The following PSD3 variants were observed in gnomAD, a reference collection of about 807,000 sequenced individuals.
The protein encoded by PSD3 is PH and SEC7 domain-containing protein 3.
A neutral mutation model predicts 105.5 loss-of-function variants in PSD3; 49 were observed. That is an observed-to-expected ratio of 0.46 (90% CI 0.37 to 0.59). The LOEUF is 0.59. PSD3 is among the 20% of genes least tolerant of loss of function. The pLI is 0.00. For missense variants in PSD3, 1,561 were observed against 1,263.8 expected (o/e 1.24, Z -3.57); for synonymous variants, 557 against 457.8 (o/e 1.22, Z -2.77).
At chr8:19,012,934 T>C (rs758439680) in intron 1 of PSD3, among the ~76,000 whole-genome samples, 2 of 152,032 alleles carry the variant, frequency 1.3e-5, no homozygotes, top group Non-Finnish European at 2.9e-5. Flanking sequence ...TCGAGGGGAA[T>C]GGCAAAACGA....
chr8:18,694,732 T>C (rs751918619), intron 9 of PSD3, among the ~76,000 whole-genome samples: 5 of 152,068 alleles, frequency 3.3e-5, no homozygotes. Context: ...TCCTAGCACT[T>C]TGGGAGGCCA....
At chr8:18,918,250 C>G (rs768884633) in intron 2 of PSD3, among the ~76,000 whole-genome samples, 3 of 152,198 alleles carry the variant, frequency 2.0e-5, no homozygotes, top group Non-Finnish European at 2.9e-5. Context: ...ATATGTGCTT[C>G]TGCCACTGTC....
rs758167244 is a variant in PSD3 at position 18,872,364 on chromosome 8, T to C, written c.500A>G (p.Gln167Arg). The C allele has an allele frequency of 1.2e-6, 2 of 1,614,228 alleles. No homozygotes were observed. Among genetic ancestry groups the C allele is most frequent in the Non-Finnish European group, 1.7e-6 (2 of 1,180,046 alleles). ...AGTGTCCAGCTCTTTTTCCACCTGC[T>C]GAACTGAAAAACTAGAAACAGCATC... ...DQDAVSSFSV[Q>R]QVEKELDTAS... The change falls in exon 3 of 16, where the codon CAG becomes CGG. Residue 167 changes from glutamine to arginine, a missense_variant. Gln to Arg is a conservative substitution (Grantham distance 43). Coordinates refer to ENST00000327040, the MANE Select transcript of PSD3 (RefSeq NM_015310.4).
intron 1 of PSD3, among the ~76,000 whole-genome samples, chr8:19,002,197 A>G (rs558160544): frequency 6.7e-4 from 102 of 152,142 alleles, no homozygotes; most frequent in Non-Finnish European, 1.2e-3. Flanking sequence ...GAGAGGTCAT[A>G]AAGTTTATAT....
intron 10 of PSD3, among the ~76,000 whole-genome samples, chr8:18,647,559 G>A (rs1057436117): frequency 1.3e-5 from 2 of 151,028 alleles, no homozygotes; most frequent in South Asian, 2.1e-4. Context: ...AAAACATGGA[G>A]GGTGCACAAG....
At chr8:18,955,410 A>G (rs1179225582) in intron 1 of PSD3, among the ~76,000 whole-genome samples, 1 of 152,154 alleles carries the variant, frequency 6.6e-6, no homozygotes, top group Non-Finnish European at 1.5e-5. Context: ...GTCTTTGTCT[A>G]TTTTAATAAT....
intron 1 of PSD3, among the ~76,000 whole-genome samples, chr8:19,078,059 C>T (rs1304595049): frequency 6.6e-6 from 1 of 152,098 alleles, no homozygotes; most frequent in East Asian, 1.9e-4. Flanking sequence ...GAGACACAGT[C>T]TTGCTCCGTT....
chr8:18,796,272 A>G (rs1245522180), intron 8 of PSD3, among the ~76,000 whole-genome samples: 3 of 152,164 alleles, frequency 2.0e-5, no homozygotes, highest in African/African-American at 7.2e-5. Flanking sequence ...GTGTTTTCCC[A>G]TCATAGCACC....
At chr8:19,057,009 G>A (rs1045753505) in intron 1 of PSD3, among the ~76,000 whole-genome samples, 3 of 151,960 alleles carry the variant, frequency 2.0e-5, no homozygotes, top group African/African-American at 4.8e-5. Context: ...AAACCTATAC[G>A]CCGGTTTGCC....
chr8:19,031,260 T>C (rs1032448382), intron 1 of PSD3, among the ~76,000 whole-genome samples: 1 of 152,200 alleles, frequency 6.6e-6, no homozygotes, highest in African/African-American at 2.4e-5. Flanking sequence ...AGGGTTTCTA[T>C]TAAAGTGGGA....
intron 9 of PSD3, among the ~76,000 whole-genome samples, chr8:18,736,559 T>C (rs1324358330): frequency 6.6e-6 from 1 of 152,186 alleles, no homozygotes; most frequent in African/African-American, 2.4e-5. Context: ...AAGGGAATAA[T>C]CACCCAAAAT....
At chr8:18,645,486 T>C (rs1162123072) in intron 10 of PSD3, among the ~76,000 whole-genome samples, 3 of 152,224 alleles carry the variant, frequency 2.0e-5, no homozygotes, top group Non-Finnish European at 2.9e-5. Context: ...CAGGGTGTCT[T>C]TGCTGAATAT....
At chr8:18,896,348 T>C (rs190606926) in intron 2 of PSD3, among the ~76,000 whole-genome samples, 1 of 152,366 alleles carries the variant, frequency 6.6e-6, no homozygotes, top group Admixed American at 6.5e-5. Context: ...GTAGGATTGC[T>C]GCATAATATG....
At chr8:18,703,177 C>T (rs755683) in intron 9 of PSD3, among the ~76,000 whole-genome samples, 95,725 of 152,054 alleles carry the variant, frequency 0.63, 35,857 homozygotes, top group Non-Finnish European at 0.85. Flanking sequence ...GCAGATGCCA[C>T]TGCCTCGTCA....
At chr8:18,839,586 C>G (rs890508734) in intron 4 of PSD3, among the ~76,000 whole-genome samples, 7 of 152,146 alleles carry the variant, frequency 4.6e-5, no homozygotes, top group African/African-American at 1.7e-4. Context: ...AGAAACACTT[C>G]TGCAAATGTA....
At chr8:19,002,199 A>C (rs1263522441) in intron 1 of PSD3, among the ~76,000 whole-genome samples, 1 of 152,034 alleles carries the variant, frequency 6.6e-6, no homozygotes, top group African/African-American at 2.4e-5. Context: ...GAGGTCATAA[A>C]GTTTATATCT....
intron 3 of PSD3, among the ~76,000 whole-genome samples, 195 bp downstream of exon 3, chr8:18,871,431 A>G (rs6993670): frequency 0.65 from 98,433 of 152,044 alleles, 32,653 homozygotes; most frequent in African/African-American, 0.77. Flanking sequence ...ACTTTATAAC[A>G]AGATCACTTT....
chr8:18,736,381 T>C (rs565524381), intron 9 of PSD3, among the ~76,000 whole-genome samples: 55 of 152,314 alleles, frequency 3.6e-4, no homozygotes, highest in African/African-American at 1.2e-3. Flanking sequence ...AACACTAGAA[T>C]AATGCCTGGC....
intron 1 of PSD3, among the ~76,000 whole-genome samples, chr8:19,034,144 C>T (rs1040559591): frequency 2.0e-5 from 3 of 152,054 alleles, no homozygotes; most frequent in East Asian, 3.9e-4. Flanking sequence ...GAGACTGGGG[C>T]GTCAGAATTA....
Sources: gnomAD v4.1 joint callset for allele counts (sites outside exome capture counted in the v4.1 genomes callset) on GRCh38, gnomAD v4.1.1 for gene constraint, MANE v1.5 for transcripts, NCBI Gene and HGNC (gene_info 2026-07-23, HGNC 2026-07-21) for gene names.